The following NLGN1 variants were observed in gnomAD, a reference collection of about 807,000 sequenced individuals.
The protein encoded by NLGN1 is neuroligin-1.
In NLGN1, 12 loss-of-function variants were observed where a neutral mutation model predicts 65.5. The ratio of observed to expected loss-of-function variants is 0.18; its 90% CI spans 0.12 to 0.30. The LOEUF is 0.30. Among genes scored for constraint, NLGN1 ranks in the 10% least tolerant of loss-of-function variants. The pLI, the probability that NLGN1 is intolerant of heterozygous loss-of-function variation, is 1.00. For missense variants in NLGN1, 750 were observed against 1,007.1 expected, an observed-to-expected ratio of 0.74 and a Z score of 3.46; for synonymous variants, 350 against 359.5, an observed-to-expected ratio of 0.97 and a Z score of 0.30.
At chr3:173,619,231 A>C (rs914116507) in intron 3 of NLGN1, among the ~76,000 whole-genome samples, 1 of 152,294 alleles carries the variant, frequency 6.6e-6, no homozygotes, top group African/African-American at 2.4e-5. Flanking sequence ...CAACTAAAAC[A>C]CTATGACCAC....
chr3:174,281,255 G>T (rs753250350), exon 7 of NLGN1: 6 of 1,612,664 alleles, frequency 3.7e-6, no homozygotes, highest in South Asian at 3.3e-5. Context: ...ACAATACTCT[G>T]CCCCATCCCC....
At chr3:173,800,336 C>G (rs1365108591) in intron 3 of NLGN1, 2 of 1,215,142 alleles carry the variant, frequency 1.6e-6, no homozygotes, top group Non-Finnish European at 2.1e-6. Flanking sequence ...GTGATAATGA[C>G]GGTGCTGAAG....
chr3:174,200,531 C>G (rs1734243822), intron 4 of NLGN1, among the ~76,000 whole-genome samples: 1 of 152,102 alleles, frequency 6.6e-6, no homozygotes, highest in Non-Finnish European at 1.5e-5. Context: ...CACTGGAGGG[C>G]CCTACAGTAT....
chr3:173,572,965 C>T (rs949048357), intron 2 of NLGN1, among the ~76,000 whole-genome samples: 3 of 152,148 alleles, frequency 2.0e-5, no homozygotes, highest in Non-Finnish European at 2.9e-5. Context: ...CCCCAAGTCC[C>T]GGTGTTATTT....
At chr3:173,665,959 A>G (rs964847356) in intron 3 of NLGN1, among the ~76,000 whole-genome samples, 1 of 152,060 alleles carries the variant, frequency 6.6e-6, no homozygotes, top group Non-Finnish European at 1.5e-5. Context: ...TATATGCCTG[A>G]CACTTTTCCT....
chr3:173,794,570 C>CAA lies in NLGN1; in HGVS notation c.494-13108_494-13107dup, dbSNP rs1254583271. ...CAGGGCAATGGAGAGTGTGTCTTCA[C>CAA]AAAGTGTGAAAGGGTTTATAGAGTA... On this transcript the variant is annotated intron_variant, in intron 3 of 6. Coordinates refer to ENST00000457714, the Ensembl canonical transcript of NLGN1. 4.6e-5 allele frequency among the ~76,000 whole-genome samples: 7 copies of CAA among 152,204 alleles called. No homozygotes were observed. The East Asian group carries it at 1.4e-3, about 29-fold the overall frequency.
At chr3:174,133,109 T>C (rs1177851426) in intron 4 of NLGN1, among the ~76,000 whole-genome samples, 1 of 152,234 alleles carries the variant, frequency 6.6e-6, no homozygotes, top group Non-Finnish European at 1.5e-5. Flanking sequence ...TTAGCCTCAC[T>C]CCTTGATTTT....
chr3:174,007,285 A>T (rs1163241673), intron 4 of NLGN1, among the ~76,000 whole-genome samples: 2 of 152,164 alleles, frequency 1.3e-5, no homozygotes, highest in Non-Finnish European at 2.9e-5. Flanking sequence ...TAAGCCATCC[A>T]GTCTGTGCTG....
chr3:174,044,838 CTTCTCATGATAGTGAA>C (rs1224798399), intron 4 of NLGN1, among the ~76,000 whole-genome samples: 25 of 152,212 alleles, frequency 1.6e-4, no homozygotes, highest in African/African-American at 6.0e-4. Context: ...CCGTGCTGCT[CTTCTCATGATAGTGAA>C]TTCTCATGAG....
intron 3 of NLGN1, among the ~76,000 whole-genome samples, chr3:173,740,544 G>C (rs1488182311): frequency 6.6e-6 from 1 of 151,920 alleles, no homozygotes; most frequent in Non-Finnish European, 1.5e-5. Context: ...CCATACCCCT[G>C]TTCCAAAGAA....
chr3:173,976,953 C>T (rs1247412985), intron 4 of NLGN1, among the ~76,000 whole-genome samples: 1 of 152,054 alleles, frequency 6.6e-6, no homozygotes, highest in Non-Finnish European at 1.5e-5. Context: ...CTCAGTCATT[C>T]ATTTTTCATT....
chr3:174,275,697 A>ACTC (rs1312571028), intron 5 of NLGN1, among the ~76,000 whole-genome samples, 170 bp downstream of exon 5: 7 of 151,396 alleles, frequency 4.6e-5, no homozygotes, highest in Non-Finnish European at 1.5e-5. Flanking sequence ...TTTTCGTCAA[A>ACTC]CTCTTTTCTT....
intron 4 of NLGN1, among the ~76,000 whole-genome samples, chr3:174,015,491 A>G (rs112924311): frequency 1.3e-5 from 2 of 152,208 alleles, no homozygotes; most frequent in African/African-American, 4.8e-5. Context: ...TGAGGGCCCC[A>G]TTTTTAGGAG....
intron 4 of NLGN1, among the ~76,000 whole-genome samples, chr3:174,273,793 A>ATAAC (rs1480105509): frequency 6.6e-6 from 1 of 151,718 alleles, no homozygotes; most frequent in Non-Finnish European, 1.5e-5. Context: ...TAGGAAAAGA[A>ATAAC]TAACTAAGCA....
intron 4 of NLGN1, among the ~76,000 whole-genome samples, chr3:174,211,011 G>A (rs912738250): frequency 3.9e-5 from 6 of 152,120 alleles, no homozygotes; most frequent in Admixed American, 1.3e-4. Context: ...TTAAGGTGGC[G>A]CGTCTGGAGT....
At chr3:174,161,329 T>C (rs920640817) in intron 4 of NLGN1, among the ~76,000 whole-genome samples, 1 of 151,898 alleles carries the variant, frequency 6.6e-6, no homozygotes, top group Non-Finnish European at 1.5e-5. Flanking sequence ...GAAAACATTA[T>C]TTTATTTGCA....
intron 4 of NLGN1, among the ~76,000 whole-genome samples, chr3:173,964,784 A>G (rs2152355218): frequency 6.6e-6 from 1 of 152,318 alleles, no homozygotes; most frequent in Non-Finnish European, 1.5e-5. Flanking sequence ...AAATCTAAGT[A>G]ACTATCATAT....
At chr3:173,600,411 C>A (rs1750290565) in intron 2 of NLGN1, among the ~76,000 whole-genome samples, 1 of 151,898 alleles carries the variant, frequency 6.6e-6, no homozygotes, top group Admixed American at 6.6e-5. Context: ...TGAGATTCAA[C>A]CATGCTTGCA....
intron 4 of NLGN1, among the ~76,000 whole-genome samples, chr3:174,268,336 A>G (rs1748681104): frequency 6.6e-6 from 1 of 152,160 alleles, no homozygotes; most frequent in Non-Finnish European, 1.5e-5. Flanking sequence ...GAAGTACACA[A>G]TAGCCTAAAT....
Sources: allele counts gnomAD v4.1 joint callset (sites outside exome capture counted in the v4.1 genomes callset), GRCh38; gene constraint gnomAD v4.1.1; transcripts MANE v1.5; gene names NCBI Gene and HGNC (gene_info 2026-07-23, HGNC 2026-07-21).